IGF2BP3: variants seen among roughly 807,000 people sequenced by gnomAD.
IGF2BP3 encodes insulin like growth factor 2 mRNA binding protein 3, also known as insulin-like growth factor 2 mRNA-binding protein 3.
Under a neutral mutation model 73.8 loss-of-function variants are expected in IGF2BP3, and 9 were observed. The ratio of observed to expected loss-of-function variants is 0.12; its 90% confidence interval spans 0.07 to 0.21. IGF2BP3 has a LOEUF of 0.21. IGF2BP3 is among the 10% of genes least tolerant of loss of function. The probability of loss-of-function intolerance (pLI) is 1.00; values close to 1 mark genes in which losing one functional copy is unlikely to be tolerated. For synonymous variants in IGF2BP3, 258 were observed against 256.7 expected (o/e 1.01, Z -0.05); for missense variants, 542 against 714.0 (o/e 0.76, Z 2.75).
intron 2 of IGF2BP3, among the ~76,000 whole-genome samples, chr7:23,467,507 C>T (rs918603435): frequency 2.0e-5 from 3 of 152,186 alleles, no homozygotes; most frequent in African/African-American, 7.2e-5. Context: ...CTTAGAGGCC[C>T]ACCCCGGTGC....
chr7:23,366,524 TCAA>T (rs1785376311), intron 3 of IGF2BP3, among the ~76,000 whole-genome samples: 1 of 144,426 alleles, frequency 6.9e-6, no homozygotes, highest in Non-Finnish European at 1.5e-5. Context: ...GAATAATACT[TCAA>T]CAAGCATGGC....
intron 6 of IGF2BP3, 40 bp from the exon 7 acceptor site, chr7:23,347,774 A>G (rs769538600): frequency 5.2e-5 from 84 of 1,613,256 alleles, no homozygotes; most frequent in Non-Finnish European, 6.8e-5. Context: ...CGAGAGCAGT[A>G]AGCGTGTATT....
intron 2 of IGF2BP3, among the ~76,000 whole-genome samples, chr7:23,427,290 T>C (rs1787540852): frequency 6.6e-6 from 1 of 152,200 alleles, no homozygotes; most frequent in Non-Finnish European, 1.5e-5. Flanking sequence ...AGGCATTCCG[T>C]GAATTTCTTG....
At chr7:23,423,285 C>G (rs1787403052) in intron 2 of IGF2BP3, among the ~76,000 whole-genome samples, 2 of 152,194 alleles carry the variant, frequency 1.3e-5, no homozygotes, top group Admixed American at 1.3e-4. Flanking sequence ...ATGGAAAGAA[C>G]TGGAGAAAAA....
intron 3 of IGF2BP3, among the ~76,000 whole-genome samples, chr7:23,361,970 C>T (rs570382291): frequency 1.3e-5 from 2 of 152,224 alleles, no homozygotes; most frequent in African/African-American, 4.8e-5. Flanking sequence ...TATGGCTAAC[C>T]AAGAACTGGC....
chr7:23,316,278 T>C (rs939081816), intron 12 of IGF2BP3, among the ~76,000 whole-genome samples: 5 of 151,970 alleles, frequency 3.3e-5, no homozygotes, highest in African/African-American at 9.7e-5. Context: ...CCAGAGAAAA[T>C]AGAAGTCAAA....
At position 23,405,450 on chromosome 7, in the gene IGF2BP3, G is replaced by A. The variant is rs935683400; in HGVS notation, c.285+13326C>T. ...TCTGCTATGCCCCAGCCTAGACTCA[G>A]CAGCAAAAAACTTTCAAGTTGTTAG... is the stretch of plus-strand genomic sequence containing the variant. On this transcript the variant is annotated intron_variant, in intron 3 of 14. Coordinates refer to ENST00000258729, the MANE Select transcript of IGF2BP3 (RefSeq NM_006547.3). 2.6e-5 allele frequency among the ~76,000 whole-genome samples: 4 copies of A among 152,178 alleles called. No individual in the cohort carries two copies. The East Asian group carries it at 7.7e-4, about 29-fold the overall frequency.
chr7:23,392,541 C>CAT (rs1786318915), intron 3 of IGF2BP3, among the ~76,000 whole-genome samples: 1 of 151,466 alleles, frequency 6.6e-6, no homozygotes, highest in African/African-American at 2.4e-5. Flanking sequence ...CACACACACA[C>CAT]AAATATACAA....
chr7:23,437,171 A>G (rs1787825971), intron 2 of IGF2BP3, among the ~76,000 whole-genome samples: 1 of 152,014 alleles, frequency 6.6e-6, no homozygotes, highest in Admixed American at 6.6e-5. Context: ...ACTTTGTTCT[A>G]TAACTTAATG....
At chr7:23,391,117 T>TA (rs1350291077) in intron 3 of IGF2BP3, among the ~76,000 whole-genome samples, 2 of 142,030 alleles carry the variant, frequency 1.4e-5, no homozygotes, top group African/African-American at 5.3e-5. Context: ...TTTTTTTTTT[T>TA]AAGACAGATT....
intron 2 of IGF2BP3, among the ~76,000 whole-genome samples, chr7:23,455,694 A>AT (rs1554337473): frequency 5.9e-5 from 9 of 151,714 alleles, no homozygotes; most frequent in African/African-American, 1.5e-4. Flanking sequence ...GGGTCTTACT[A>AT]TTTTTTTTGG....
intron 3 of IGF2BP3, among the ~76,000 whole-genome samples, chr7:23,412,123 C>T (rs1433161420): frequency 6.6e-6 from 1 of 150,972 alleles, no homozygotes; most frequent in Non-Finnish European, 1.5e-5. Flanking sequence ...GCTAAGATTA[C>T]AGGCATGCGC....
At position 23,462,614 on chromosome 7, in the gene IGF2BP3, G is replaced by A. The variant is rs185477828; in HGVS notation, c.236+5868C>T. ...CCTGACCTCGTGATCCACCCACCTCGGCCTCCCAAAGTGCTGGGATTACAG... is the reference window on the plus strand; with the variant it reads ...CCTGACCTCGTGATCCACCCACCTCAGCCTCCCAAAGTGCTGGGATTACAG... On this transcript the variant is annotated intron_variant, in intron 2 of 14. Coordinates refer to ENST00000258729, the MANE Select transcript of IGF2BP3 (RefSeq NM_006547.3). Among the ~76,000 whole-genome samples, 512 of 152,144 alleles carry A rather than the reference G, an allele frequency of 3.4e-3. 1 individual carries two copies. Among genetic ancestry groups the A allele is most frequent in the African/African-American group, 0.012 (499 of 41,514 alleles).
Position 23,470,113 on chromosome 7 carries a change from T to C in IGF2BP3, c.-3A>G. ...TTTCCGATATACAGTTTGTTCATTG[T>C]GAAGAGTGGTTGTTTAAAAAAAAAT... On this transcript the variant is annotated 5_prime_UTR_variant, in exon 1 of 15. Coordinates refer to ENST00000258729, the MANE Select transcript of IGF2BP3 (RefSeq NM_006547.3). 6.3e-7 allele frequency: 1 copy of C among 1,592,832 alleles called. No individual in the cohort carries two copies.
chr7:23,352,925 G>T (rs1236777435), intron 5 of IGF2BP3, among the ~76,000 whole-genome samples: 1 of 151,776 alleles, frequency 6.6e-6, no homozygotes, highest in Non-Finnish European at 1.5e-5. Context: ...TTTTTTGTTT[G>T]TTTGTTTTGC....
At chr7:23,351,273 A>G (rs759930757) in intron 6 of IGF2BP3, 32 bp downstream of exon 6, 1 of 1,608,824 alleles carries the variant, frequency 6.2e-7, no homozygotes, top group Non-Finnish European at 8.5e-7. Flanking sequence ...GGGAATTCTC[A>G]TGAACACCCA....
intron 5 of IGF2BP3, among the ~76,000 whole-genome samples, chr7:23,360,938 GT>G (rs2128507955): frequency 6.6e-6 from 1 of 152,270 alleles, no homozygotes; most frequent in Admixed American, 6.5e-5. Flanking sequence ...CTAGTGCTCA[GT>G]TTATTAGATC....
At chr7:23,328,058 A>T (rs115891980) in intron 10 of IGF2BP3, among the ~76,000 whole-genome samples, 1 of 152,174 alleles carries the variant, frequency 6.6e-6, no homozygotes, top group East Asian at 1.9e-4. Context: ...TTGTCTCTCT[A>T]GACGCCCACC....
At chr7:23,464,456 TTTC>T (rs1788517809) in intron 2 of IGF2BP3, among the ~76,000 whole-genome samples, 1 of 152,168 alleles carries the variant, frequency 6.6e-6, no homozygotes, top group Non-Finnish European at 1.5e-5. Flanking sequence ...CTATCACTGT[TTTC>T]TTTTTTAAGG....
Sources: gnomAD v4.1 joint callset for allele counts (sites outside exome capture counted in the v4.1 genomes callset) on GRCh38, gnomAD v4.1.1 for gene constraint, MANE v1.5 for transcripts, NCBI Gene and HGNC (gene_info 2026-07-23, HGNC 2026-07-21) for gene names.